Variants in CFB observed in about 807,000 individuals in gnomAD.
CFB encodes complement factor B.
A neutral mutation model predicts 97.2 loss-of-function variants in CFB; 59 were observed. The observed-to-expected ratio is 0.61, with a 90% CI of 0.49 to 0.75. The LOEUF (loss-of-function observed/expected upper bound fraction) is 0.75. Ranked by LOEUF, CFB falls within the 30% of genes least tolerant of loss-of-function variation. The pLI is 0.00. For synonymous variants in CFB, 316 were observed against 351.7 expected (o/e 0.90, Z 1.14); for missense variants, 771 against 959.8 (o/e 0.80, Z 2.60).
chr6:31,946,556 G>C lies in CFB; in HGVS notation c.248G>C (p.Ser83Thr). 6.2e-7 allele frequency: 1 copy of C among 1,612,602 alleles called. No homozygotes were observed. Among genetic ancestry groups the C allele is most frequent in the South Asian group, 1.1e-5 (1 of 91,088 alleles). The change falls in exon 2 of 18, where the codon AGC (serine) becomes ACC (threonine). Residue 83 changes from serine to threonine, a missense_variant. Physicochemically the swap from Ser to Thr is moderately conservative, Grantham distance 58 (BLOSUM62 1). Transcript: ENST00000425368. The surrounding 1 kb of genome is among the most constrained non-coding windows in gnomAD (Gnocchi z 6.4). ...TRTCRSTGSW[S>T]TLKTQDQKTV... ...ACCTGCAGATCTACGGGGTCCTGGAGCACCCTGAAGACTCAAGACCAAAAG... is the reference window on the plus strand; with the variant it reads ...ACCTGCAGATCTACGGGGTCCTGGACCACCCTGAAGACTCAAGACCAAAAG...
rs1771805328 is a variant in CFB, at chr6:31,952,041, G to A, written c.*11G>A. On this transcript the variant is annotated 3_prime_UTR_variant, in exon 18 of 18. Coordinates refer to ENST00000425368, the MANE Select transcript of CFB (RefSeq NM_001710.6). ...TTGGGTTTTCTATAAGGGGTTTCCT[G>A]CTGGACAGGGGCGTGGGATTGAATT... 1.2e-6 allele frequency: 2 copies of A among 1,612,470 alleles called. No individual in the cohort carries two copies. Among genetic ancestry groups the A allele is most frequent in the Non-Finnish European group, 8.5e-7 (1 of 1,180,034 alleles).
chr6:31,948,355 T>C lies in CFB; in HGVS notation c.898-19T>C. 1 of 1,614,184 alleles carries C rather than the reference T, an allele frequency of 6.2e-7. No homozygotes were observed. Among genetic ancestry groups the C allele is most frequent in the Non-Finnish European group, 8.5e-7 (1 of 1,180,014 alleles). On this transcript the variant is annotated intron_variant, in intron 6 of 17. Coordinates refer to ENST00000425368, the MANE Select transcript of CFB (RefSeq NM_001710.6). ...ATTCTATTTTCAATGCCATGGCGCCTTGTTCTCCTCACCCACAGGTGGCAA... is the reference window on the plus strand; with the variant it reads ...ATTCTATTTTCAATGCCATGGCGCCCTGTTCTCCTCACCCACAGGTGGCAA...
rs1164439772 is a variant in CFB, at chr6:31,948,965, A to C, written c.1168+4A>C. 6.2e-7 allele frequency: 1 copy of C among 1,612,968 alleles called. No individual in the cohort carries two copies. Among genetic ancestry groups the C allele is most frequent in the Non-Finnish European group, 8.5e-7 (1 of 1,180,024 alleles). ...GTCATCATCCTCATGACTGATGGTC[A>C]GAAGGGACCTCTCTCCTGTCCCAGC... On this transcript the variant is annotated splice_donor_region_variant and intron_variant, in intron 8 of 17. Transcript: ENST00000425368.
chr6:31,951,042 A>T lies in CFB; in HGVS notation c.1855+98A>T. 5 of 1,567,722 alleles carry T rather than the reference A, an allele frequency of 3.2e-6. No individual in the cohort carries two copies. The highest frequency in any genetic ancestry group is 4.4e-6 in the Non-Finnish European group (5 of 1,140,290). On this transcript the variant is annotated intron_variant, in intron 14 of 17. Transcript: ENST00000425368. This position sits in a 1 kb window ranked among gnomAD's most constrained non-coding sequence, Gnocchi z 4.3. ...AGGAAGAGATGATGCCTGGCCCAGAACCTAGCTCTAGAAGGGCTTAGGGGA... is the reference window on the plus strand; with the variant it reads ...AGGAAGAGATGATGCCTGGCCCAGATCCTAGCTCTAGAAGGGCTTAGGGGA...
chr6:31,951,798 G>C lies in CFB; in HGVS notation c.2140-77G>C. 3 of 1,607,766 alleles carry C rather than the reference G, an allele frequency of 1.9e-6. No homozygotes were observed. In the South Asian group the frequency reaches 3.3e-5, roughly 18 times the overall value. ...AGTCTGATTCCTTTAGGTCAGCTAA[G>C]ACACAAGCAGGAACAGCCATGCTTC... On this transcript the variant is annotated intron_variant, in intron 17 of 17. Coordinates refer to ENST00000425368, the MANE Select transcript of CFB (RefSeq NM_001710.6). This position sits in a 1 kb window ranked among gnomAD's most constrained non-coding sequence, Gnocchi z 4.3.
chr6:31,949,034 G>A, intron 8 of CFB, 73 bp downstream of exon 8: 1 of 1,604,078 alleles, frequency 6.2e-7, no homozygotes, highest in Non-Finnish European at 8.5e-7. Flanking sequence ...AAGTCCACTT[G>A]TAACACTATA....
Position 31,946,772 on chromosome 6 carries a change from C to T in CFB, c.298+166C>T. The T allele has an allele frequency of 1.2e-6, 1 of 808,284 alleles. No individual in the cohort carries two copies. Among genetic ancestry groups the T allele is most frequent in the South Asian group, 1.5e-5 (1 of 68,820 alleles). The allele number at this position is 808,284 out of a possible 1,614,324, so 50.1% of individuals were successfully genotyped here. A position where few individuals can be genotyped will look rare whatever the true frequency, so the allele number is the denominator to read the frequency against. Reference sequence around the variant, plus strand: ...AGGGGGCAAGAAAAAGCGGAGTTAACCCTTACTAAGCATTTACCCTGGGCT... The same window carrying T: ...AGGGGGCAAGAAAAAGCGGAGTTAATCCTTACTAAGCATTTACCCTGGGCT... On this transcript the variant is annotated intron_variant, in intron 2 of 17. Coordinates refer to ENST00000425368, the MANE Select transcript of CFB (RefSeq NM_001710.6). The surrounding 1 kb of genome is among the most constrained non-coding windows in gnomAD (Gnocchi z 6.4).
Position 31,946,672 on chromosome 6 carries a change from G to A in CFB, c.298+66G>A. ...ACAGGGCAGGCGGCAGCAAGGTCAG[G>A]ACTAGGATGAGACTAGGCAGGGTGA... is the stretch of plus-strand genomic sequence containing the variant. On this transcript the variant is annotated intron_variant, in intron 2 of 17. Coordinates refer to ENST00000425368, the MANE Select transcript of CFB (RefSeq NM_001710.6). This position sits in a 1 kb window ranked among gnomAD's most constrained non-coding sequence, Gnocchi z 6.4. The A allele has an allele frequency of 7.0e-7, 1 of 1,432,172 alleles. No homozygotes were observed. Among genetic ancestry groups the A allele is most frequent in the Non-Finnish European group, 9.6e-7 (1 of 1,039,130 alleles). The allele number at this position is 1,432,172 out of a possible 1,614,324, so 88.7% of individuals were successfully genotyped here. A position where few individuals can be genotyped will look rare whatever the true frequency, so the allele number is the denominator to read the frequency against.
Position 31,951,340 on chromosome 6 carries a change from G to A in CFB, c.1957-1G>A. ...CTCCATGCTTCCCACCTCCCCTACAGAAAGGCAGCTGTGAGAGAGATGCTC... is the reference window on the plus strand; with the variant it reads ...CTCCATGCTTCCCACCTCCCCTACAAAAAGGCAGCTGTGAGAGAGATGCTC... On this transcript the variant is annotated splice_acceptor_variant, in intron 15 of 17. Coordinates refer to ENST00000425368, the MANE Select transcript of CFB (RefSeq NM_001710.6). LOFTEE classifies it high-confidence loss of function. The surrounding 1 kb of genome is among the most constrained non-coding windows in gnomAD (Gnocchi z 4.3). 6.2e-7 allele frequency: 1 copy of A among 1,614,146 alleles called. No homozygotes were observed. The highest frequency in any genetic ancestry group is 8.5e-7 in the Non-Finnish European group (1 of 1,180,020).
In CFB at chr6:31,947,257, A is replaced by T; in HGVS notation, c.484+65A>T. The stretch of plus-strand genomic sequence containing the variant: ...ACGGCGCCCAGCCCGAGGAGTGGGC[A>T]CTCGGCTCCGGACACTGTAACTCTT... On this transcript the variant is annotated intron_variant, in intron 3 of 17. Transcript: ENST00000425368. This position sits in a 1 kb window ranked among gnomAD's most constrained non-coding sequence, Gnocchi z 5.3. The T allele has an allele frequency of 6.2e-7, 1 of 1,609,950 alleles. No homozygotes were observed. The highest frequency in any genetic ancestry group is 8.5e-7 in the Non-Finnish European group (1 of 1,178,536).
At position 31,951,307 on chromosome 6, in the gene CFB, C is replaced by T; in HGVS notation, c.1957-34C>T. 1 of 1,614,008 alleles carries T rather than the reference C, an allele frequency of 6.2e-7. No individual in the cohort carries two copies. Among genetic ancestry groups the T allele is most frequent in the Non-Finnish European group, 8.5e-7 (1 of 1,180,030 alleles). Reference sequence around the variant, plus strand: ...CAATCCTTCCTAAGCCACTTCTGTTCATTACTTCTCCATGCTTCCCACCTC... The same window carrying T: ...CAATCCTTCCTAAGCCACTTCTGTTTATTACTTCTCCATGCTTCCCACCTC... On this transcript the variant is annotated intron_variant, in intron 15 of 17. Transcript: ENST00000425368. This position sits in a 1 kb window ranked among gnomAD's most constrained non-coding sequence, Gnocchi z 4.3.
At chr6:31,948,139 T>G (rs1771553279) in intron 6 of CFB, 58 bp downstream of exon 6, 1 of 1,599,726 alleles carries the variant, frequency 6.3e-7, no homozygotes, top group Admixed American at 1.7e-5. Context: ...CTTCCAGGAC[T>G]AGCTCCCTGA....
rs374021908 is a variant in CFB, at chr6:31,951,279, C to G, written c.1956+35C>G. On this transcript the variant is annotated intron_variant, in intron 15 of 17. Coordinates refer to ENST00000425368, the MANE Select transcript of CFB (RefSeq NM_001710.6). The surrounding 1 kb of genome is among the most constrained non-coding windows in gnomAD (Gnocchi z 4.3). ...GGGCATCCTAAGGAGGCACTCTAGG[C>G]CCCAATCCTTCCTAAGCCACTTCTG... 7.4e-6 allele frequency: 12 copies of G among 1,613,374 alleles called. No individual in the cohort carries two copies. Among genetic ancestry groups the G allele is most frequent in the Non-Finnish European group, 1.0e-5 (12 of 1,179,894 alleles).
At position 31,947,837 on chromosome 6, in the gene CFB, G is replaced by T. The variant is rs4151651; in HGVS notation, c.754G>T (p.Gly252Cys). Residue 252 changes from glycine to cysteine, a missense_variant, in exon 5 of 18, where the codon GGC (glycine) becomes TGC (cysteine). Transcript: ENST00000425368. This position sits in a 1 kb window ranked among gnomAD's most constrained non-coding sequence, Gnocchi z 5.3. ...IEGVDAEDGH[G>C]PGEQQKRKIV... is the part of the protein sequence containing the mutation. ...AGGAGTCGATGCTGAGGATGGGCAC[G>T]GCCCAGGTTTGAAGACAGAGAAGGG... The T allele has an allele frequency of 6.2e-7, 1 of 1,613,856 alleles. No individual in the cohort carries two copies. Among genetic ancestry groups the T allele is most frequent in the African/African-American group, 1.3e-5 (1 of 75,030 alleles).
Position 31,950,687 on chromosome 6 carries a change from AAAG to A in CFB, c.1697_1699del (p.Glu566del). The A allele has an allele frequency of 2.5e-6, 4 of 1,613,062 alleles. No homozygotes were observed. The highest frequency in any genetic ancestry group is 3.4e-6 in the Non-Finnish European group (4 of 1,180,024). ...CCCCAACTACAACATTAATGGGAAA[AAAG>A]AAGCAGGAATTCCTGAATTTTATGA... On this transcript the variant is annotated inframe_deletion, in exon 13 of 18. Transcript: ENST00000425368.
Position 31,946,269 on chromosome 6 carries a change from G to A in CFB, c.48G>A (p.Leu16=), listed in dbSNP as rs765834515. 1.4e-5 allele frequency: 22 copies of A among 1,613,066 alleles called. No homozygotes were observed. Among genetic ancestry groups the A allele is most frequent in the Admixed American group, 3.3e-5 (2 of 60,032 alleles). Residue 16 remains leucine (L), a synonymous_variant, in exon 1 of 18, where the codon TTG becomes TTA. Coordinates refer to ENST00000425368, the MANE Select transcript of CFB (RefSeq NM_001710.6). This position sits in a 1 kb window ranked among gnomAD's most constrained non-coding sequence, Gnocchi z 6.4. The part of the protein sequence containing the change: ...SPQLCLMPFI[L]GLLSGGVTTT... ...AACTCTGCCTGATGCCCTTTATCTT[G>A]GGCCTCTTGTCTGGAGGTAAGCGAG...
rs1352845999 is a variant in CFB, at chr6:31,947,547, T to G, written c.658+26T>G. ...GTGACCTTTGACCTGTACCCCCAGGTCAGATCCTGGTCTTCCATCCTACTG... is the reference window on the plus strand; with the variant it reads ...GTGACCTTTGACCTGTACCCCCAGGGCAGATCCTGGTCTTCCATCCTACTG... On this transcript the variant is annotated intron_variant, in intron 4 of 17. Transcript: ENST00000425368. This position sits in a 1 kb window ranked among gnomAD's most constrained non-coding sequence, Gnocchi z 5.3. 6.2e-7 allele frequency: 1 copy of G among 1,612,498 alleles called. No individual in the cohort carries two copies. Among genetic ancestry groups the G allele is most frequent in the Non-Finnish European group, 8.5e-7 (1 of 1,179,886 alleles).
Position 31,950,287 on chromosome 6 carries a change from G to A in CFB, c.1508G>A (p.Arg503His), listed in dbSNP as rs1396098221. The part of the protein sequence containing the change: ...QPWQAKISVI[R>H]PSKGHESCMG... The stretch of plus-strand genomic sequence containing the variant: ...CCCTCTCTACTGTTGTGTCCCCAGC[G>A]CCCTTCAAAGGGACACGAGAGCTGT... The change falls in exon 12 of 18, where the codon CGC (arginine) becomes CAC (histidine). Residue 503 changes from arginine (R) to histidine (H), a missense_variant and splice_region_variant. Physicochemically the swap from Arg to His is conservative, Grantham distance 29. Transcript: ENST00000425368. 2.5e-6 allele frequency: 4 copies of A among 1,612,488 alleles called. No individual in the cohort carries two copies. Among genetic ancestry groups the A allele is most frequent in the Non-Finnish European group, 3.4e-6 (4 of 1,179,524 alleles).
Position 31,951,859 on chromosome 6 carries a change from C to T in CFB, c.2140-16C>T. The T allele has an allele frequency of 3.7e-6, 6 of 1,613,156 alleles. No homozygotes were observed. The highest frequency in any genetic ancestry group is 5.1e-6 in the Non-Finnish European group (6 of 1,180,038). On this transcript the variant is annotated splice_polypyrimidine_tract_variant and intron_variant, in intron 17 of 17. Coordinates refer to ENST00000425368, the MANE Select transcript of CFB (RefSeq NM_001710.6). This position sits in a 1 kb window ranked among gnomAD's most constrained non-coding sequence, Gnocchi z 4.3. ...AATTCTACTGAATGATCCATGGCACCCCACTGCCTCTGCAGGTTGGTGTAA... is the reference window on the plus strand; with the variant it reads ...AATTCTACTGAATGATCCATGGCACTCCACTGCCTCTGCAGGTTGGTGTAA...
Sources: gnomAD v4.1 joint callset for allele counts on GRCh38, gnomAD v4.1.1 for gene constraint, Gnocchi (gnomAD v3.1) non-coding constraint, MANE v1.5 for transcripts, NCBI Gene and HGNC (gene_info 2026-07-23, HGNC 2026-07-21) for gene names.